Variants in MNX1 observed in about 807,000 individuals in gnomAD.
MNX1 encodes motor neuron and pancreas homeobox 1, also known as motor neuron and pancreas homeobox protein 1.
Under a neutral mutation model 17.3 loss-of-function variants are expected in MNX1, and 2 were observed. That is an observed-to-expected ratio of 0.12 (90% CI 0.05 to 0.36). The LOEUF is 0.36. MNX1 is among the 10% of genes least tolerant of loss of function. The pLI is 1.00. For synonymous variants in MNX1, 306 were observed against 283.1 expected, an observed-to-expected ratio of 1.08 and a Z score of -0.81; for missense variants, 556 against 564.7, an observed-to-expected ratio of 0.98 and a Z score of 0.16.
At chr7:157,009,157 T>C in intron 1 of MNX1, 2 of 1,499,648 alleles carry the variant, frequency 1.3e-6, no homozygotes, top group Non-Finnish European at 1.8e-6. Context: ...CCCTGGGCCT[T>C]GGCCTTGCCT....
In MNX1 at chr7:157,005,886, G is replaced by C. The variant is rs765967630; in HGVS notation, c.853-13C>G. 6.2e-6 allele frequency: 10 copies of C among 1,610,276 alleles called. No homozygotes were observed. The highest frequency in any genetic ancestry group is 8.5e-6 in the Non-Finnish European group (10 of 1,179,782). On this transcript the variant is annotated splice_polypyrimidine_tract_variant and intron_variant, in intron 2 of 2. Coordinates refer to ENST00000252971, the MANE Select transcript of MNX1 (RefSeq NM_005515.4). Reference sequence around the variant, plus strand: ...ACCAAATCTTCACCTGCGGGCACAAGCGGGCGTGAGAAACCGGCCACCGCC... The same window carrying C: ...ACCAAATCTTCACCTGCGGGCACAACCGGGCGTGAGAAACCGGCCACCGCC...
intron 1 of MNX1, chr7:157,007,503 C>A (rs1005715999): frequency 6.6e-6 from 1 of 152,274 alleles, no homozygotes; most frequent in Admixed American, 6.5e-5. Flanking sequence ...AGGGTGCGGG[C>A]GGCAGGGGCA....
intron 1 of MNX1, chr7:157,007,643 C>A (rs1478294796): frequency 6.6e-6 from 1 of 152,244 alleles, no homozygotes; most frequent in Non-Finnish European, 1.5e-5. Context: ...TAATTTCGCA[C>A]GGTTACATCA....
Position 157,006,632 on chromosome 7 carries a change from C to A in MNX1, c.699G>T (p.Ala233=), listed in dbSNP as rs1436265640. Residue 233 remains alanine, a synonymous_variant, in exon 2 of 3, where the codon GCG becomes GCT. Transcript: ENST00000252971. The surrounding 1 kb of genome is among the most constrained non-coding windows in gnomAD (Gnocchi z 6.3). ...GGCACTTCCCCAGGAGGTTCGACTGCGCCTGGGCTGGGGACCAAAGGGCAG... is the reference window on the plus strand; with the variant it reads ...GGCACTTCCCCAGGAGGTTCGACTGAGCCTGGGCTGGGGACCAAAGGGCAG... The part of the protein sequence containing the change: ...LPKMPDFNSQ[A]QSNLLGKCRR... 2 of 1,592,472 alleles carry A rather than the reference C, an allele frequency of 1.3e-6. No homozygotes were observed. Among genetic ancestry groups the A allele is most frequent in the Non-Finnish European group, 1.7e-6 (2 of 1,171,274 alleles).
intron 1 of MNX1, 196 bp downstream of exon 1, chr7:157,009,464 C>T: frequency 7.0e-7 from 1 of 1,435,298 alleles, no homozygotes; most frequent in Non-Finnish European, 9.1e-7. Context: ...TGCGCATGGC[C>T]ATTTTAATAA....
rs1586594923 is a variant in MNX1 at position 157,009,907 on chromosome 7, G to A, written c.444C>T (p.Gly148=). The change falls in exon 1 of 3, where the codon GGC becomes GGT. Residue 148 remains glycine, a synonymous_variant. Coordinates refer to ENST00000252971, the MANE Select transcript of MNX1 (RefSeq NM_005515.4). ...CCGCCTGCGCCGGGAGGCCCGCGCC[G>A]CCCTGCGCGCCCCCAGGGTGCAGCC... ...ALGLHPGGAQ[G]GAGLPAQAAL... The A allele has an allele frequency of 3.8e-6, 5 of 1,309,512 alleles. No homozygotes were observed. The East Asian group carries it at 1.4e-4, about 37-fold the overall frequency. 81.1% of individuals were successfully genotyped at this position (1,309,512 alleles called of 1,614,324 possible).
chr7:157,005,371 T>A lies in MNX1; in HGVS notation c.*149A>T. On this transcript the variant is annotated 3_prime_UTR_variant, in exon 3 of 3. Transcript: ENST00000252971. ...AGGACCGGAGCCGCGGCCGAATCCC[T>A]CCAGCCCCGGCCTGGGCGAGGGGTC... 1 of 440,368 alleles carries A rather than the reference T, an allele frequency of 2.3e-6. No homozygotes were observed. 27.3% of individuals were successfully genotyped at this position (440,368 alleles called of 1,614,324 possible).
rs528990697 is a variant in MNX1 at position 157,009,757 on chromosome 7, G to GGCGGGGTGC, written c.585_593dup (p.His196_Ala198dup). On this transcript the variant is annotated inframe_insertion, in exon 1 of 3. Transcript: ENST00000252971. ...TGCCGGCGCCCAGCTTGATGGGGTCGGCGGGGTGCGCGGGGTGCGCGCCTT... is the reference window on the plus strand; with the variant it reads ...TGCCGGCGCCCAGCTTGATGGGGTCGGCGGGGTGCGCGGGGTGCGCGGGGTGCGCGCCTT... The GGCGGGGTGC allele has an allele frequency of 3.1e-6, 5 of 1,604,154 alleles. No homozygotes were observed. In the East Asian group the frequency reaches 6.7e-5, roughly 22 times the overall value.
chr7:157,005,721 C>A lies in MNX1; in HGVS notation c.1005G>T (p.Gly335=). 1 of 1,609,964 alleles carries A rather than the reference C, an allele frequency of 6.2e-7. No individual in the cohort carries two copies. The highest frequency in any genetic ancestry group is 8.5e-7 in the Non-Finnish European group (1 of 1,179,312). The change falls in exon 3 of 3, where the codon GGG becomes GGT. Residue 335 remains glycine, a synonymous_variant. Coordinates refer to ENST00000252971, the MANE Select transcript of MNX1 (RefSeq NM_005515.4). ...TGCCCTTGTCTCCGGGCGCTGGCGG[C>A]CCCAGCAGCTCCTCGGCTCCCGGCT... The part of the protein sequence containing the change: ...AEEPGAEELL[G]PPAPGDKGSG...
In MNX1 at chr7:157,005,494, G is replaced by A. The variant is rs766258116; in HGVS notation, c.*26C>T. 4.8e-5 allele frequency: 64 copies of A among 1,331,424 alleles called. No individual in the cohort carries two copies. The East Asian group carries it at 1.8e-3, about 37-fold the overall frequency. 82.5% of individuals were successfully genotyped at this position (1,331,424 alleles called of 1,614,324 possible). On this transcript the variant is annotated 3_prime_UTR_variant, in exon 3 of 3. Transcript: ENST00000252971. ...CCGCCGGCCGGGGCGCTCCGTGCGCGCCGCACCTGCTGGGCCGCGGGGCTC... is the reference window on the plus strand; with the variant it reads ...CCGCCGGCCGGGGCGCTCCGTGCGCACCGCACCTGCTGGGCCGCGGGGCTC...
Position 157,010,320 on chromosome 7 carries a change from C to T in MNX1, c.31G>A (p.Ala11Thr). The T allele has an allele frequency of 6.3e-7, 1 of 1,582,410 alleles. No homozygotes were observed. Among genetic ancestry groups the T allele is most frequent in the Non-Finnish European group, 8.6e-7 (1 of 1,165,336 alleles). ...CGTGGGGGGTCCACCGCCAGCAGGGCGTCGATGCGGAAATTTTTGGATTTT... is the reference window on the plus strand; with the variant it reads ...CGTGGGGGGTCCACCGCCAGCAGGGTGTCGATGCGGAAATTTTTGGATTTT... MEKSKNFRID[A>T]LLAVDPPRAA... is the part of the protein sequence containing the mutation. Residue 11 changes from alanine (A) to threonine (T), a missense_variant, in exon 1 of 3, where the codon GCC becomes ACC. Physicochemically the swap from Ala to Thr is moderately conservative, Grantham distance 58. This residue lies in a region of MNX1 where 45 missense variants were observed against 42.0 expected (regional missense o/e 1.07). Transcript: ENST00000252971.
At position 157,010,017 on chromosome 7, in the gene MNX1, C is replaced by T; in HGVS notation, c.334G>A (p.Gly112Arg). 2 of 981,422 alleles carry T rather than the reference C, an allele frequency of 2.0e-6. No homozygotes were observed. Among genetic ancestry groups the T allele is most frequent in the Non-Finnish European group, 2.4e-6 (2 of 835,482 alleles). The allele number at this position is 981,422 out of a possible 1,614,324, so 60.8% of individuals were successfully genotyped here. The part of the protein sequence containing the change: ...GGGGTGGGHG[G>R]PHHHAHPGAA... ...CCCGGATGCGCGTGGTGGTGGGGCCCCCCGTGCCCGCCGCCCGTGCCGCCG... is the reference window on the plus strand; with the variant it reads ...CCCGGATGCGCGTGGTGGTGGGGCCTCCCGTGCCCGCCGCCCGTGCCGCCG... The change falls in exon 1 of 3, where the codon GGG becomes AGG. Residue 112 changes from glycine (G) to arginine (R), a missense_variant. Physicochemically the swap from Gly to Arg is moderately radical, Grantham distance 125 (BLOSUM62 -2). Around this residue, in one of 7 missense-constraint regions of MNX1, gnomAD observed 115 missense variants for 103.5 expected, o/e 1.11. Transcript: ENST00000252971.
intron 1 of MNX1, chr7:157,008,944 G>C: frequency 1.3e-6 from 2 of 1,519,158 alleles, no homozygotes; most frequent in East Asian, 2.5e-5. Context: ...CAGCGGCTCT[G>C]GGGTGGGGAG....
In MNX1 at chr7:157,010,194, C is replaced by T. The variant is rs1563702564; in HGVS notation, c.157G>A (p.Gly53Arg). The change falls in exon 1 of 3, where the codon GGG (glycine) becomes AGG (arginine). Residue 53 changes from glycine (G) to arginine (R), a missense_variant. Transcript: ENST00000252971. ...GGGGGGGASGGTSGSCSPASS... is the reference protein window; with the variant it reads ...GGGGGGGASGRTSGSCSPASS... ...GCGGGGCTGCAGCTGCCGCTAGTCC[C>T]GCCGCTCGCCCCGCCGCCGCCGCCG... The T allele has an allele frequency of 2.5e-6, 3 of 1,215,896 alleles. No homozygotes were observed. The highest frequency in any genetic ancestry group is 1.0e-6 in the Non-Finnish European group (1 of 972,158). The allele number at this position is 1,215,896 out of a possible 1,614,324, so 75.3% of individuals were successfully genotyped here. A position where few individuals can be genotyped will look rare whatever the true frequency, so the allele number is the denominator to read the frequency against.
rs545530046 is a variant in MNX1 at position 157,005,501 on chromosome 7, C to A, written c.*19G>T. ...CCGGGGCGCTCCGTGCGCGCCGCACCTGCTGGGCCGCGGGGCTCCTACTGG... is the reference window on the plus strand; with the variant it reads ...CCGGGGCGCTCCGTGCGCGCCGCACATGCTGGGCCGCGGGGCTCCTACTGG... On this transcript the variant is annotated 3_prime_UTR_variant, in exon 3 of 3. Transcript: ENST00000252971. 3.8e-5 allele frequency: 54 copies of A among 1,409,446 alleles called. No homozygotes were observed. In the South Asian group the frequency reaches 8.2e-4, roughly 21 times the overall value. 87.3% of individuals were successfully genotyped at this position (1,409,446 alleles called of 1,614,324 possible).
chr7:157,009,835 C>A lies in MNX1; in HGVS notation c.516G>T (p.Ala172=). 1.4e-6 allele frequency: 2 copies of A among 1,461,094 alleles called. No individual in the cohort carries two copies. Among genetic ancestry groups the A allele is most frequent in the Admixed American group, 2.3e-5 (1 of 43,734 alleles). The allele number at this position is 1,461,094 out of a possible 1,614,324, so 90.5% of individuals were successfully genotyped here. ...CCGGGTGCTGGCCCGCCAGCGCAGC[C>A]GCCGCCGCCGCCGCGGAGTAGCCGT... The part of the protein sequence containing the change: ...PVYGYSAAAA[A]AALAGQHPAL... The change falls in exon 1 of 3, where the codon GCG becomes GCT. Residue 172 remains alanine (A), a synonymous_variant. Coordinates refer to ENST00000252971, the MANE Select transcript of MNX1 (RefSeq NM_005515.4).
chr7:157,009,189 T>C, intron 1 of MNX1: 1 of 1,463,922 alleles, frequency 6.8e-7, no homozygotes, highest in Non-Finnish European at 9.0e-7. Flanking sequence ...CGAAGCCCAT[T>C]TCTCTTGTTT....
chr7:157,009,521 C>T (rs1805667643), intron 1 of MNX1, 139 bp downstream of exon 1: 1 of 1,465,902 alleles, frequency 6.8e-7, no homozygotes, highest in Non-Finnish European at 9.0e-7. Context: ...TCCTCGCAGG[C>T]CCCGGGCAGA....
Position 157,010,646 on chromosome 7 carries a change from G to C in MNX1, c.-296C>G. On this transcript the variant is annotated 5_prime_UTR_variant, in exon 1 of 3. Transcript: ENST00000252971. ...TGCAGCCCTCAGGCGACCGCGCGGAGGCCGCTGCCGCCGTGGTGGGGACCC... is the reference window on the plus strand; with the variant it reads ...TGCAGCCCTCAGGCGACCGCGCGGACGCCGCTGCCGCCGTGGTGGGGACCC... The C allele has an allele frequency of 4.4e-6, 1 of 226,478 alleles. No individual in the cohort carries two copies. The highest frequency in any genetic ancestry group is 8.8e-6 in the Non-Finnish European group (1 of 114,192). The allele number at this position is 226,478 out of a possible 1,614,324, so 14.0% of individuals were successfully genotyped here. A position where few individuals can be genotyped will look rare whatever the true frequency, so the allele number is the denominator to read the frequency against.
Sources: allele counts gnomAD v4.1 joint callset, GRCh38; gene constraint gnomAD v4.1.1; regional missense constraint gnomAD v4.1.1; non-coding constraint Gnocchi (gnomAD v3.1); transcripts MANE v1.5; gene names NCBI Gene and HGNC (gene_info 2026-07-23, HGNC 2026-07-21).